Variants in NDE1 observed in about 807,000 individuals in gnomAD.
The protein encoded by NDE1 is nuclear distribution protein nudE homolog 1.
NDE1 carries 28 observed loss-of-function variants against 43.4 expected under a neutral mutation model. The observed-to-expected ratio is 0.65, with a 90% CI of 0.48 to 0.89. The LOEUF (loss-of-function observed/expected upper bound fraction) is 0.89. Ranked by LOEUF, NDE1 falls within the 40% of genes least tolerant of loss-of-function variation. The pLI, the probability that NDE1 is intolerant of heterozygous loss-of-function variation, is 0.00. For synonymous variants in NDE1, 184 were observed against 172.0 expected (o/e 1.07, Z -0.55); for missense variants, 441 against 434.1 (o/e 1.02, Z -0.14).
chr16:15,649,590 C>G (rs193299652), upstream of NDE1: 1 of 152,392 alleles, frequency 6.6e-6, no homozygotes, highest in African/African-American at 2.4e-5. Flanking sequence ...TCCCAAAGTG[C>G]TGGGATTACA....
At chr16:15,696,577 G>T in intron 7 of NDE1, 132 bp from the exon 8 acceptor site, 1 of 1,536,196 alleles carries the variant, frequency 6.5e-7, no homozygotes, top group Non-Finnish European at 8.8e-7. Context: ...TTCCTCTTGG[G>T]GTCCCACCTT....
chr16:15,656,852 T>C (rs1218095324), intron 1 of NDE1, among the ~76,000 whole-genome samples: 2 of 151,776 alleles, frequency 1.3e-5, no homozygotes, highest in African/African-American at 4.8e-5. Flanking sequence ...GGCTTGGGTG[T>C]TCAAGGAAGA....
intron 8 of NDE1, among the ~76,000 whole-genome samples, chr16:15,710,803 G>A (rs372263672): frequency 1.3e-5 from 2 of 152,032 alleles, no homozygotes; most frequent in South Asian, 4.2e-4. Context: ...TCAGCCTCAC[G>A]AGTAGCTGGG....
chr16:15,699,924 G>C (rs1270732195), intron 8 of NDE1: 5 of 1,246,044 alleles, frequency 4.0e-6, no homozygotes, highest in Non-Finnish European at 5.2e-6. Context: ...TGAGAAATAA[G>C]AGCAGTCACC....
At chr16:15,692,050 A>G (rs1596624918) in intron 6 of NDE1, among the ~76,000 whole-genome samples, 1 of 151,904 alleles carries the variant, frequency 6.6e-6, no homozygotes, top group East Asian at 1.9e-4. Flanking sequence ...GACTCAGCGT[A>G]ACGTGTGCTG....
chr16:15,682,787 C>T (rs989130609), intron 4 of NDE1, among the ~76,000 whole-genome samples: 3 of 152,010 alleles, frequency 2.0e-5, no homozygotes, highest in African/African-American at 4.8e-5. Context: ...TGCAGTGGTG[C>T]GATCTTAGCT....
At chr16:15,683,948 T>A (rs1252907111) in intron 4 of NDE1, among the ~76,000 whole-genome samples, 1 of 151,446 alleles carries the variant, frequency 6.6e-6, no homozygotes, top group Non-Finnish European at 1.5e-5. Flanking sequence ...GGTGAAAGAA[T>A]CGCTGGGCGC....
intron 7 of NDE1, chr16:15,694,920 C>A (rs764543399): frequency 1.8e-4 from 182 of 984,572 alleles, no homozygotes; most frequent in Non-Finnish European, 2.1e-4. Flanking sequence ...ACCTGTAATC[C>A]CAGTGCTTTG....
chr16:15,648,437 T>TTTTA (rs1277405216), upstream of NDE1, among the ~76,000 whole-genome samples: 2 of 152,098 alleles, frequency 1.3e-5, no homozygotes, highest in Non-Finnish European at 2.9e-5. Context: ...GGTGGCTTGA[T>TTTTA]TTTATTTATT....
intron 3 of NDE1, among the ~76,000 whole-genome samples, chr16:15,670,146 C>T (rs868584052): frequency 6.6e-6 from 1 of 152,200 alleles, no homozygotes; most frequent in Non-Finnish European, 1.5e-5. Flanking sequence ...GGGGCCCTGG[C>T]ATGTCTGTGT....
At chr16:15,683,087 T>C (rs1226426621) in intron 4 of NDE1, among the ~76,000 whole-genome samples, 1 of 152,008 alleles carries the variant, frequency 6.6e-6, no homozygotes. Context: ...ATTCAAACAA[T>C]CTTCCCATCT....
At chr16:15,723,514 G>T (rs1346719548) in intron 8 of NDE1, among the ~76,000 whole-genome samples, 1 of 152,106 alleles carries the variant, frequency 6.6e-6, no homozygotes. Context: ...AGACATAGTG[G>T]TGTGCTCCTA....
chr16:15,663,669 A>G (rs2037161862), intron 1 of NDE1, among the ~76,000 whole-genome samples: 1 of 152,222 alleles, frequency 6.6e-6, no homozygotes. Flanking sequence ...AGGTGCATAC[A>G]TATTTCAGAA....
chr16:15,670,985 G>A (rs1251149615), intron 3 of NDE1, among the ~76,000 whole-genome samples: 4 of 152,174 alleles, frequency 2.6e-5, no homozygotes, highest in South Asian at 2.1e-4. Context: ...GCAGCTGGCC[G>A]TCTGCAGATC....
At position 15,717,477 on chromosome 16, in the gene NDE1, T is replaced by C. The variant is rs947329979; in HGVS notation, c.948-6714T>C. The C allele has an allele frequency of 1.4e-5, 13 of 917,850 alleles. No individual in the cohort carries two copies. The African/African-American group carries it at 2.1e-4, about 15-fold the overall frequency. 56.9% of individuals were successfully genotyped at this position (917,850 alleles called of 1,614,324 possible). Reference sequence around the variant, plus strand: ...TGATCCCGGGCACCCTGTCCTCTCCTTCATCCTGTAAAACTCCACTCAAGA... The same window carrying C: ...TGATCCCGGGCACCCTGTCCTCTCCCTCATCCTGTAAAACTCCACTCAAGA... On this transcript the variant is annotated intron_variant, in intron 8 of 8. Transcript: ENST00000396354.
chr16:15,718,795 C>A, intron 8 of NDE1: 2 of 425,242 alleles, frequency 4.7e-6, no homozygotes, highest in South Asian at 4.7e-5. Flanking sequence ...TGGGTCTGTC[C>A]CCAATCTCAG....
At chr16:15,671,423 T>C (rs1201424963) in intron 3 of NDE1, among the ~76,000 whole-genome samples, 3 of 152,134 alleles carry the variant, frequency 2.0e-5, no homozygotes, top group African/African-American at 4.8e-5. Context: ...GGCAGGAGCA[T>C]TGCTTGAGCC....
chr16:15,693,345 T>C (rs185104183), intron 6 of NDE1, among the ~76,000 whole-genome samples: 2 of 152,258 alleles, frequency 1.3e-5, no homozygotes, highest in African/African-American at 4.8e-5. Flanking sequence ...GTGCTGCTGG[T>C]GCATGGACCC....
At chr16:15,702,834 C>T (rs1242540428) in intron 8 of NDE1, among the ~76,000 whole-genome samples, 2 of 152,138 alleles carry the variant, frequency 1.3e-5, no homozygotes, top group Non-Finnish European at 2.9e-5. Flanking sequence ...ATGTTCTTCC[C>T]AGTCATGTTC....
Sources: allele counts gnomAD v4.1 joint callset (sites outside exome capture counted in the v4.1 genomes callset), GRCh38; gene constraint gnomAD v4.1.1; transcripts MANE v1.5; gene names NCBI Gene and HGNC (gene_info 2026-07-23, HGNC 2026-07-21).